The following SFMBT2 variants were observed in gnomAD, a reference collection of about 807,000 sequenced individuals.
The protein encoded by SFMBT2 is Scm like with four mbt domains 2.
A neutral mutation model predicts 110.1 loss-of-function variants in SFMBT2; 38 were observed. The observed-to-expected ratio is 0.35, with a 90% confidence interval of 0.27 to 0.45. The LOEUF is 0.45. SFMBT2 is among the 20% of genes least tolerant of loss of function. The pLI is 1.00. For missense variants in SFMBT2, 1,011 were observed against 1,094.9 expected (o/e 0.92, Z 1.08); for synonymous variants, 425 against 425.4 (o/e 1.00, Z 0.01).
intron 16 of SFMBT2, among the ~76,000 whole-genome samples, chr10:7,183,726 A>G (rs58244052): frequency 3.9e-5 from 6 of 152,316 alleles, no homozygotes; most frequent in African/African-American, 1.4e-4. Context: ...ACCTGCATAA[A>G]CAAACATTAG....
chr10:7,167,482 C>T (rs895777097), intron 20 of SFMBT2, among the ~76,000 whole-genome samples: 4 of 152,124 alleles, frequency 2.6e-5, no homozygotes, highest in Non-Finnish European at 5.9e-5. Flanking sequence ...TCAGGGCCTG[C>T]GTGCACATAG....
At position 7,376,727 on chromosome 10, in the gene SFMBT2, C is replaced by CA. The variant is rs35816107; in HGVS notation, c.100+5071dup. ...AAAAAAAAAAAAAAAGGCCCTCCCA[C>CA]AAAAAAAAAAAAAAAAAAAAAAAAA... On this transcript the variant is annotated intron_variant, in intron 2 of 20. Coordinates refer to ENST00000397167, the MANE Select transcript of SFMBT2 (RefSeq NM_001387889.1). Among the ~76,000 whole-genome samples, 135 of 44,718 alleles carry CA rather than the reference C, an allele frequency of 3.0e-3. 5 individuals are homozygous for CA. The highest frequency in any genetic ancestry group is 4.0e-3 in the Non-Finnish European group (112 of 27,684). 29.3% of individuals were successfully genotyped at this position (44,718 alleles called of 152,430 possible). A position where few individuals can be genotyped will look rare whatever the true frequency, so the allele number is the denominator to read the frequency against.
intron 4 of SFMBT2, among the ~76,000 whole-genome samples, chr10:7,353,089 T>A (rs1844377958): frequency 6.6e-6 from 1 of 152,146 alleles, no homozygotes; most frequent in African/African-American, 2.4e-5. Flanking sequence ...TTGCCAAAAT[T>A]GAGTTCATCA....
intron 2 of SFMBT2, among the ~76,000 whole-genome samples, chr10:7,377,281 C>G (rs768580617): frequency 2.0e-5 from 3 of 151,646 alleles, no homozygotes; most frequent in Non-Finnish European, 2.9e-5. Context: ...TGAGTGTAGT[C>G]ACTTGCGAGG....
intron 4 of SFMBT2, among the ~76,000 whole-genome samples, chr10:7,310,837 G>A (rs1842831474): frequency 6.6e-6 from 1 of 152,154 alleles, no homozygotes; most frequent in Non-Finnish European, 1.5e-5. Flanking sequence ...CCTGAGGTCA[G>A]GAGTTCGAGA....
intron 4 of SFMBT2, among the ~76,000 whole-genome samples, chr10:7,315,735 T>A (rs1183323627): frequency 1.3e-5 from 2 of 152,232 alleles, no homozygotes; most frequent in Non-Finnish European, 2.9e-5. Flanking sequence ...TAACCCAGAT[T>A]ATTCAAGTCC....
At chr10:7,243,328 C>T (rs542920993) in intron 9 of SFMBT2, among the ~76,000 whole-genome samples, 1 of 152,282 alleles carries the variant, frequency 6.6e-6, no homozygotes, top group Admixed American at 6.5e-5. Flanking sequence ...AATGCGGTAA[C>T]GGATGGGGAA....
rs1362144172 is a variant in SFMBT2 at position 7,284,394 on chromosome 10, A to G, written c.526-244T>C. The stretch of plus-strand genomic sequence containing the variant: ...AAAAATCACAAGTCAATAGAAAATA[A>G]CAGTTTGTGCTAAGTTCTCACCAAA... On this transcript the variant is annotated intron_variant, in intron 5 of 20. Coordinates refer to ENST00000397167, the MANE Select transcript of SFMBT2 (RefSeq NM_001387889.1). 2.4e-6 allele frequency: 3 copies of G among 1,248,600 alleles called. No homozygotes were observed. In the East Asian group the frequency reaches 1.0e-4, roughly 43 times the overall value. 77.3% of individuals were successfully genotyped at this position (1,248,600 alleles called of 1,614,324 possible). A position where few individuals can be genotyped will look rare whatever the true frequency, so the allele number is the denominator to read the frequency against.
chr10:7,272,324 C>T (rs1376599689), intron 7 of SFMBT2, among the ~76,000 whole-genome samples: 1 of 152,160 alleles, frequency 6.6e-6, no homozygotes, highest in Non-Finnish European at 1.5e-5. Context: ...GGCAAAAAAG[C>T]TGATGAAGAA....
intron 10 of SFMBT2, among the ~76,000 whole-genome samples, chr10:7,225,305 T>C (rs1195094593): frequency 6.6e-6 from 1 of 152,230 alleles, no homozygotes; most frequent in East Asian, 1.9e-4. Flanking sequence ...GTCGATTCCT[T>C]TCATAACAGC....
chr10:7,404,648 C>A (rs537905548), intron 1 of SFMBT2, among the ~76,000 whole-genome samples: 6 of 152,166 alleles, frequency 3.9e-5, no homozygotes, highest in African/African-American at 1.4e-4. Context: ...AACAGAAAAA[C>A]GCAATGGATT....
At chr10:7,199,075 T>C (rs12778417) in intron 14 of SFMBT2, among the ~76,000 whole-genome samples, 1 of 151,978 alleles carries the variant, frequency 6.6e-6, no homozygotes, top group Non-Finnish European at 1.5e-5. Context: ...ACCACCTGGG[T>C]TCAAGCAATT....
At chr10:7,206,536 C>T in intron 11 of SFMBT2, 3 of 985,432 alleles carry the variant, frequency 3.0e-6, no homozygotes, top group Non-Finnish European at 3.6e-6. Flanking sequence ...GTTTTGAACT[C>T]AGTTTGTGGC....
chr10:7,360,701 C>T (rs1043340625), intron 4 of SFMBT2, among the ~76,000 whole-genome samples: 7 of 152,158 alleles, frequency 4.6e-5, no homozygotes, highest in African/African-American at 1.7e-4. Flanking sequence ...CCAAAAGTTA[C>T]AAACACATAC....
At chr10:7,261,413 T>C (rs1412723719) in intron 7 of SFMBT2, among the ~76,000 whole-genome samples, 1 of 152,214 alleles carries the variant, frequency 6.6e-6, no homozygotes, top group African/African-American at 2.4e-5. Flanking sequence ...CCCTGTCCCA[T>C]TGTTTATAGA....
At chr10:7,327,049 A>G (rs1463284919) in intron 4 of SFMBT2, among the ~76,000 whole-genome samples, 2 of 151,574 alleles carry the variant, frequency 1.3e-5, no homozygotes, top group Non-Finnish European at 1.5e-5. Flanking sequence ...GCTGTCCTTC[A>G]TACGAGGGAC....
At chr10:7,387,411 C>T (rs1322484646) in intron 1 of SFMBT2, among the ~76,000 whole-genome samples, 2 of 152,156 alleles carry the variant, frequency 1.3e-5, no homozygotes, top group East Asian at 3.8e-4. Context: ...ATACCAGTGG[C>T]TGCCAGCAAG....
intron 7 of SFMBT2, among the ~76,000 whole-genome samples, chr10:7,250,250 C>A (rs997413624): frequency 6.6e-6 from 1 of 152,202 alleles, no homozygotes; most frequent in East Asian, 1.9e-4. Flanking sequence ...CCCCCCTCCC[C>A]TCTAGTAGTC....
intron 1 of SFMBT2, among the ~76,000 whole-genome samples, chr10:7,407,890 C>G (rs914689913): frequency 6.6e-6 from 1 of 152,298 alleles, no homozygotes; most frequent in South Asian, 2.1e-4. Flanking sequence ...CATCCAGGTC[C>G]CCAGCCCCAG....
Sources: allele counts gnomAD v4.1 joint callset (sites outside exome capture counted in the v4.1 genomes callset), GRCh38; gene constraint gnomAD v4.1.1; transcripts MANE v1.5; gene names NCBI Gene and HGNC (gene_info 2026-07-23, HGNC 2026-07-21).